The following POF1B variants were observed in gnomAD, a reference collection of about 807,000 sequenced individuals.
The protein encoded by POF1B is protein POF1B.
POF1B carries 53 observed loss-of-function variants against 55.3 expected under a neutral mutation model. That is an observed-to-expected ratio of 0.96 (90% CI 0.77 to 1.20). The LOEUF is 1.20. Among genes scored for constraint, POF1B ranks in the 50% most tolerant of loss-of-function variants. The probability of loss-of-function intolerance (pLI) is 0.00; values close to 1 mark genes in which losing one functional copy is unlikely to be tolerated. For missense variants in POF1B, 478 were observed against 420.5 expected, an observed-to-expected ratio of 1.14 and a Z score of -1.20; for synonymous variants, 188 against 148.3, an observed-to-expected ratio of 1.27 and a Z score of -1.95.
At position 85,359,537 on chromosome X, in the gene POF1B, G is replaced by C; in HGVS notation, c.438+13C>G. On this transcript the variant is annotated intron_variant, in intron 4 of 16. Transcript: ENST00000262753. Reference sequence around the variant, plus strand: ...TCTAAAGAATTATATGTTGGTAAAAGTTGGTGTCTTACCTGTTCAGGATTT... The same window carrying C: ...TCTAAAGAATTATATGTTGGTAAAACTTGGTGTCTTACCTGTTCAGGATTT... 1 of 1,150,996 alleles carries C rather than the reference G, an allele frequency of 8.7e-7. No homozygotes were observed. The allele number at this position is 1,150,996 out of a possible 1,213,427, so 94.9% of individuals were successfully genotyped here. A position where few individuals can be genotyped will look rare whatever the true frequency, so the allele number is the denominator to read the frequency against.
At chrX:85,333,877 A>G (rs775046620) in intron 6 of POF1B, among the ~76,000 whole-genome samples, 45 of 104,705 alleles carry the variant, frequency 4.3e-4, no homozygotes, top group South Asian at 3.9e-3. Context: ...TAAACAGTCA[A>G]TGTGTTTAAG....
At chrX:85,314,603 A>T in intron 8 of POF1B, 97 bp from the exon 9 acceptor site, 2 of 493,667 alleles carry the variant, frequency 4.1e-6, no homozygotes, top group Non-Finnish European at 6.1e-6. Context: ...TTTTAGGAAT[A>T]TTAAAAGACT....
intron 9 of POF1B, among the ~76,000 whole-genome samples, chrX:85,310,493 A>G (rs1424717800): frequency 1.8e-5 from 2 of 112,131 alleles, no homozygotes; most frequent in African/African-American, 6.5e-5. Flanking sequence ...TGGAGAGAAC[A>G]GAGGAAAGAA....
intron 4 of POF1B, among the ~76,000 whole-genome samples, chrX:85,357,706 C>A (rs769602640): frequency 1.7e-4 from 19 of 110,895 alleles, no homozygotes; most frequent in African/African-American, 6.2e-4. Flanking sequence ...TTCCTTCCTT[C>A]TATTCACTTA....
intron 2 of POF1B, among the ~76,000 whole-genome samples, chrX:85,371,722 A>G (rs745448767): frequency 9.0e-6 from 1 of 111,717 alleles, no homozygotes; most frequent in Admixed American, 9.5e-5. Flanking sequence ...GTCAAAAGCA[A>G]CTTTGGAGGC....
At chrX:85,293,919 A>G (rs1932248865) in intron 15 of POF1B, among the ~76,000 whole-genome samples, 1 of 109,612 alleles carries the variant, frequency 9.1e-6, no homozygotes, top group African/African-American at 3.3e-5. Context: ...GGTTGCAGTG[A>G]GCCAGGATCA....
chrX:85,351,375 TTTC>T lies in POF1B; in HGVS notation c.512_514del (p.Arg171del). Reference sequence around the variant, plus strand: ...CTGATCAGTATTTAGCTTCTCCACTTTTCTTATTGTTTTTTCATAAATAACATT... The same window carrying T: ...CTGATCAGTATTTAGCTTCTCCACTTTTATTGTTTTTTCATAAATAACATT... On this transcript the variant is annotated inframe_deletion, in exon 5 of 17. Coordinates refer to ENST00000262753, the MANE Select transcript of POF1B (RefSeq NM_024921.4). The T allele has an allele frequency of 8.4e-7, 1 of 1,193,626 alleles. No individual in the cohort carries two copies. Among genetic ancestry groups the T allele is most frequent in the African/African-American group, 1.8e-5 (1 of 57,059 alleles).
intron 15 of POF1B, among the ~76,000 whole-genome samples, chrX:85,288,502 C>T (rs1932104727): frequency 9.0e-6 from 1 of 111,357 alleles, no homozygotes; most frequent in Admixed American, 9.6e-5. Flanking sequence ...GGGTACCTGC[C>T]CCAGTTCTGG....
rs762587537 is a variant in POF1B at position 85,346,020 on chromosome X, C to A, written c.563G>T (p.Cys188Phe). The change falls in exon 6 of 17, where the codon TGC becomes TTC. Residue 188 changes from cysteine (C) to phenylalanine (F), a missense_variant. Coordinates refer to ENST00000262753, the MANE Select transcript of POF1B (RefSeq NM_024921.4). ...TDQGCHPQAQ[C>F]HHHIIQQPQV... ...GGGCTGTTGGATAATGTGATGATGG[C>A]ATTGAGCCTGAGGATGGCACCCCTA... 26 of 1,192,754 alleles carry A rather than the reference C, an allele frequency of 2.2e-5. No homozygotes were observed. The highest frequency in any genetic ancestry group is 8.9e-5 in the African/African-American group (5 of 56,322).
At chrX:85,346,187 T>A in intron 5 of POF1B, 145 bp from the exon 6 acceptor site, 1 of 429,180 alleles carries the variant, frequency 2.3e-6, no homozygotes. Flanking sequence ...TAGTGATATT[T>A]TTTCAATTTT....
intron 1 of POF1B, 58 bp downstream of exon 1, chrX:85,379,581 T>C (rs1933980709): frequency 1.4e-6 from 1 of 701,458 alleles, no homozygotes; most frequent in Non-Finnish European, 2.0e-6. Context: ...GACACACGTG[T>C]GGAAACCGCT....
At chrX:85,338,120 A>G (rs886792323) in intron 6 of POF1B, among the ~76,000 whole-genome samples, 2 of 111,176 alleles carry the variant, frequency 1.8e-5, no homozygotes, top group Admixed American at 9.6e-5. Context: ...CTAAGTAAAC[A>G]TTTGTTGGAT....
Position 85,279,388 on chromosome X carries a change from G to A in POF1B, c.*33C>T, listed in dbSNP as rs1269869618. 2 of 1,170,628 alleles carry A rather than the reference G, an allele frequency of 1.7e-6. No homozygotes were observed. The highest frequency in any genetic ancestry group is 2.3e-6 in the Non-Finnish European group (2 of 864,601). On this transcript the variant is annotated 3_prime_UTR_variant, in exon 17 of 17. Coordinates refer to ENST00000262753, the MANE Select transcript of POF1B (RefSeq NM_024921.4). ...GAGACACACACACAAAAAAAAAACG[G>A]CTTTGAGTTGTAATACTTTAAAGTG...
At chrX:85,338,659 A>G (rs1461016053) in intron 6 of POF1B, among the ~76,000 whole-genome samples, 3 of 111,831 alleles carry the variant, frequency 2.7e-5, no homozygotes, top group African/African-American at 9.7e-5. Flanking sequence ...CGAGAGCTAC[A>G]GATCAAATGC....
At position 85,349,375 on chromosome X, in the gene POF1B, G is replaced by A. The variant is rs759485552; in HGVS notation, c.540+1975C>T. 4.5e-5 allele frequency among the ~76,000 whole-genome samples: 5 copies of A among 111,012 alleles called. No homozygotes were observed. The East Asian group carries it at 8.6e-4, about 19-fold the overall frequency. On this transcript the variant is annotated intron_variant, in intron 5 of 16. Transcript: ENST00000262753. ...ATATGAAAAAAATGATTTTGTCATC[G>A]CAACTGATTTGATAGTGTTTAACTG...
chrX:85,361,398 G>A (rs1330452146), intron 3 of POF1B, among the ~76,000 whole-genome samples: 2 of 111,795 alleles, frequency 1.8e-5, no homozygotes, highest in Non-Finnish European at 3.8e-5. Context: ...ATGGTGTAAG[G>A]AAGGGGTCCA....
intron 14 of POF1B, among the ~76,000 whole-genome samples, chrX:85,303,769 C>T (rs1932511423): frequency 9.0e-6 from 1 of 110,962 alleles, no homozygotes; most frequent in South Asian, 3.7e-4. Flanking sequence ...GCGTGGTTCT[C>T]AGGATGAGGA....
intron 15 of POF1B, among the ~76,000 whole-genome samples, chrX:85,283,931 CCTT>C (rs1262248344): frequency 1.8e-5 from 2 of 111,133 alleles, no homozygotes; most frequent in African/African-American, 6.5e-5. Context: ...TAAAAAATCT[CCTT>C]AAGCTGATAA....
At chrX:85,318,917 A>G (rs1461846309) in intron 7 of POF1B, among the ~76,000 whole-genome samples, 1 of 111,957 alleles carries the variant, frequency 8.9e-6, no homozygotes, top group African/African-American at 3.2e-5. Flanking sequence ...TGACATTGCT[A>G]GTTTGATAGG....
Sources: allele counts gnomAD v4.1 joint callset (sites outside exome capture counted in the v4.1 genomes callset), GRCh38; gene constraint gnomAD v4.1.1; transcripts MANE v1.5; gene names NCBI Gene and HGNC (gene_info 2026-07-23, HGNC 2026-07-21).